Variants in JMY observed in about 807,000 individuals in gnomAD.
JMY encodes junction-mediating and -regulatory protein.
Under a neutral mutation model 103.3 loss-of-function variants are expected in JMY, and 46 were observed. That is an observed-to-expected ratio of 0.45 (90% CI 0.35 to 0.57). JMY has a LOEUF of 0.57. Ranked by LOEUF, JMY falls within the 20% of genes least tolerant of loss-of-function variation. The probability of loss-of-function intolerance (pLI) is 0.00; values close to 1 mark genes in which losing one functional copy is unlikely to be tolerated. For synonymous variants in JMY, 526 were observed against 489.3 expected (o/e 1.07, Z -0.99); for missense variants, 1,238 against 1,255.2 (o/e 0.99, Z 0.21).
intron 4 of JMY, among the ~76,000 whole-genome samples, chr5:79,294,763 C>T (rs1252929525): frequency 6.6e-6 from 1 of 151,114 alleles, no homozygotes. Context: ...GAGGCTGAAG[C>T]AGGAGAATAG....
intron 6 of JMY, among the ~76,000 whole-genome samples, chr5:79,303,398 TG>T (rs1746795012): frequency 6.6e-6 from 1 of 151,150 alleles, no homozygotes; most frequent in Non-Finnish European, 1.5e-5. Context: ...GAGGTGGAGG[TG>T]GGAGGCTGAT....
rs1465089417 is a variant in JMY at position 79,237,184 on chromosome 5, C to G, written c.534C>G (p.Ser178=). 7.1e-6 allele frequency: 11 copies of G among 1,550,242 alleles called. No homozygotes were observed. Among genetic ancestry groups the G allele is most frequent in the Non-Finnish European group, 9.6e-6 (11 of 1,146,896 alleles). Residue 178 remains serine, a synonymous_variant, in exon 1 of 11, where the codon TCC becomes TCG. Transcript: ENST00000396137. ...ARPAPREAQV[S]SVRIVSASGT... ...CGGCGCCCAGAGAGGCCCAGGTGTC[C>G]TCTGTACGGATAGTGAGCGCCTCTG...
At position 79,258,305 on chromosome 5, in the gene JMY, G is replaced by GTT. The variant is rs199879072; in HGVS notation, c.1033-19601_1033-19600dup. 4.9e-4 allele frequency among the ~76,000 whole-genome samples: 57 copies of GTT among 117,016 alleles called. 4 individuals are homozygous for GTT. The highest frequency in any genetic ancestry group is 5.2e-4 in the Non-Finnish European group (28 of 54,318). 76.8% of individuals were successfully genotyped at this position (117,016 alleles called of 152,430 possible). ...AAATTCAGATATTAGGGCTTTTTTT[G>GTT]TTTTTGTTGTTTTTTTTTTTTTTTT... is the stretch of plus-strand genomic sequence containing the variant. On this transcript the variant is annotated intron_variant, in intron 1 of 10. Transcript: ENST00000396137.
intron 2 of JMY, among the ~76,000 whole-genome samples, chr5:79,288,325 ACC>A: frequency 6.6e-6 from 1 of 151,826 alleles, no homozygotes; most frequent in South Asian, 2.1e-4. Context: ...ATTGCTCCTC[ACC>A]TCTCGCATGC....
In JMY at chr5:79,271,899, A is replaced by C. The variant is rs556748719; in HGVS notation, c.1033-6011A>C. On this transcript the variant is annotated intron_variant, in intron 1 of 10. Coordinates refer to ENST00000396137, the MANE Select transcript of JMY (RefSeq NM_152405.5). The stretch of plus-strand genomic sequence containing the variant: ...CGAGGCAGGCGGATTATCTGAGCTC[A>C]GGAGTTCAAGACCATCCAGGGGGCA... Among the ~76,000 whole-genome samples, 17 of 152,246 alleles carry C rather than the reference A, an allele frequency of 1.1e-4. No homozygotes were observed. In the East Asian group the frequency reaches 3.1e-3, roughly 28 times the overall value.
Position 79,237,442 on chromosome 5 carries a change from G to A in JMY, c.792G>A (p.Ser264=), listed in dbSNP as rs148212456. The A allele has an allele frequency of 7.4e-4, 1,197 of 1,613,776 alleles. 9 individuals carry two copies. In the East Asian group the frequency reaches 0.016, roughly 21 times the overall value. Residue 264 remains serine (S), a synonymous_variant, in exon 1 of 11, where the codon TCG becomes TCA. Transcript: ENST00000396137. ...PCLPVFPEEP[S]GMWTVLFGGA... is the part of the protein sequence containing the mutation. ...TGCCGGTGTTCCCCGAGGAACCTTCGGGCATGTGGACTGTGCTGTTTGGGG... is the reference window on the plus strand; with the variant it reads ...TGCCGGTGTTCCCCGAGGAACCTTCAGGCATGTGGACTGTGCTGTTTGGGG...
At chr5:79,315,642 G>A (rs575006280) in intron 9 of JMY, among the ~76,000 whole-genome samples, 1 of 152,272 alleles carries the variant, frequency 6.6e-6, no homozygotes, top group South Asian at 2.1e-4. Context: ...AACAAAATGT[G>A]TAACCCCATC....
chr5:79,306,605 A>T (rs1419318881), intron 7 of JMY, 144 bp downstream of exon 7: 2 of 620,784 alleles, frequency 3.2e-6, no homozygotes, highest in Non-Finnish European at 5.7e-6. Flanking sequence ...TTTTAGGCAA[A>T]ATTGATTGGA....
At chr5:79,311,011 C>T (rs990644474) in intron 7 of JMY, among the ~76,000 whole-genome samples, 2 of 152,110 alleles carry the variant, frequency 1.3e-5, no homozygotes, top group African/African-American at 2.4e-5. Context: ...TTGTCTTGGG[C>T]ACATGCTAAC....
intron 6 of JMY, among the ~76,000 whole-genome samples, chr5:79,301,942 G>T (rs1746745396): frequency 6.6e-6 from 1 of 152,050 alleles, no homozygotes; most frequent in Non-Finnish European, 1.5e-5. Flanking sequence ...AATTAGCCAG[G>T]CATGGTGGCA....
At chr5:79,285,508 A>G (rs1746242575) in intron 2 of JMY, among the ~76,000 whole-genome samples, 2 of 151,218 alleles carry the variant, frequency 1.3e-5, no homozygotes, top group African/African-American at 4.9e-5. Flanking sequence ...ACATTAAGAT[A>G]CTCATATCTC....
chr5:79,319,161 A>G (rs964853238), intron 10 of JMY, among the ~76,000 whole-genome samples: 11 of 152,326 alleles, frequency 7.2e-5, no homozygotes, highest in Admixed American at 2.6e-4. Context: ...AGCATTTTGT[A>G]TACTCAAGTG....
At chr5:79,286,378 C>A (rs528022937) in intron 2 of JMY, among the ~76,000 whole-genome samples, 77 of 152,270 alleles carry the variant, frequency 5.1e-4, no homozygotes, top group African/African-American at 1.7e-3. Flanking sequence ...CAGTGGCTCA[C>A]ACCTGTAATC....
chr5:79,275,979 A>G (rs1424657691), intron 1 of JMY, among the ~76,000 whole-genome samples: 2 of 152,260 alleles, frequency 1.3e-5, no homozygotes, highest in East Asian at 3.8e-4. Flanking sequence ...GAAAGATAGT[A>G]GTGGAAACTA....
At chr5:79,270,057 G>A (rs561447720) in intron 1 of JMY, among the ~76,000 whole-genome samples, 15 of 152,076 alleles carry the variant, frequency 9.9e-5, no homozygotes, top group African/African-American at 3.6e-4. Context: ...GTGTGTGTAC[G>A]TGAGTTCATT....
intron 2 of JMY, among the ~76,000 whole-genome samples, chr5:79,288,709 T>G (rs1404255511): frequency 6.6e-6 from 1 of 151,588 alleles, no homozygotes; most frequent in Non-Finnish European, 1.5e-5. Context: ...TCTTTTTGTT[T>G]TGTTTTGTTT....
chr5:79,258,319 T>G (rs1023713956), intron 1 of JMY, among the ~76,000 whole-genome samples: 7 of 148,774 alleles, frequency 4.7e-5, no homozygotes, highest in African/African-American at 9.8e-5. Flanking sequence ...TTGTTGTTTT[T>G]TTTTTTTTTT....
chr5:79,284,056 TTTTTATTTTTTTA>T (rs1178770563), intron 2 of JMY: 36 of 807,894 alleles, frequency 4.5e-5, no homozygotes, highest in Non-Finnish European at 5.2e-5. Flanking sequence ...TACTTTCTTT[TTTTTATTTTTTTA>T]TTTTATTTTT....
In JMY at chr5:79,258,566, G is replaced by C. The variant is rs114787411; in HGVS notation, c.1033-19344G>C. Among the ~76,000 whole-genome samples the C allele has an allele frequency of 2.6e-5, 4 of 152,132 alleles. No individual in the cohort carries two copies. The South Asian group carries it at 6.2e-4, about 24-fold the overall frequency. On this transcript the variant is annotated intron_variant, in intron 1 of 10. Transcript: ENST00000396137. ...AGCGGTGAGGGGTGTGTTAGTGAGCGTGGGGTCTGGCCACTGCATACAACC... is the reference window on the plus strand; with the variant it reads ...AGCGGTGAGGGGTGTGTTAGTGAGCCTGGGGTCTGGCCACTGCATACAACC...
Sources: allele counts gnomAD v4.1 joint callset (sites outside exome capture counted in the v4.1 genomes callset), GRCh38; gene constraint gnomAD v4.1.1; transcripts MANE v1.5; gene names NCBI Gene and HGNC (gene_info 2026-07-23, HGNC 2026-07-21).